The following PAX5 variants were observed in gnomAD, a reference collection of about 807,000 sequenced individuals.
PAX5 encodes paired box 5, also known as paired box protein Pax-5.
In PAX5, 9 loss-of-function variants were observed where a neutral mutation model predicts 43.7. The ratio of observed to expected loss-of-function variants is 0.21; its 90% CI spans 0.12 to 0.36. The LOEUF is 0.36. PAX5 is among the 10% of genes least tolerant of loss of function. The pLI, the probability that PAX5 is intolerant of heterozygous loss-of-function variation, is 1.00. For synonymous variants in PAX5, 228 were observed against 214.3 expected, an observed-to-expected ratio of 1.06 and a Z score of -0.56; for missense variants, 383 against 532.7, an observed-to-expected ratio of 0.72 and a Z score of 2.77.
rs73455418 is a variant in PAX5, at chr9:36,941,532, C to A, written c.781-18048G>T. 4.6e-3 allele frequency among the ~76,000 whole-genome samples: 701 copies of A among 152,292 alleles called. 5 individuals carry two copies. Among genetic ancestry groups the A allele is most frequent in the African/African-American group, 0.016 (678 of 41,558 alleles). On this transcript the variant is annotated intron_variant, in intron 6 of 9. Transcript: ENST00000358127. Reference sequence around the variant, plus strand: ...TCATGCCCTGGAGGTCAAGCACAACCATTTGAAATGAGGGATAGGAAAGAA... The same window carrying A: ...TCATGCCCTGGAGGTCAAGCACAACAATTTGAAATGAGGGATAGGAAAGAA...
chr9:36,979,244 C>T (rs917418569), intron 5 of PAX5, among the ~76,000 whole-genome samples: 4 of 152,170 alleles, frequency 2.6e-5, no homozygotes, highest in African/African-American at 9.7e-5. Context: ...ACTCAAGAGG[C>T]TTTTGTGTAT....
At position 36,840,031 on chromosome 9, in the gene PAX5, T is replaced by C. The variant is rs375263110; in HGVS notation, c.*529A>G. 10 of 254,430 alleles carry C rather than the reference T, an allele frequency of 3.9e-5. 1 individual carries two copies. The East Asian group carries it at 5.9e-4, about 15-fold the overall frequency. 15.8% of individuals were successfully genotyped at this position (254,430 alleles called of 1,614,324 possible). A position where few individuals can be genotyped will look rare whatever the true frequency, so the allele number is the denominator to read the frequency against. On this transcript the variant is annotated 3_prime_UTR_variant, in exon 10 of 10. Coordinates refer to ENST00000358127, the MANE Select transcript of PAX5 (RefSeq NM_016734.3). ...TCTTGAGGACAGCTCTGAGCGCACC[T>C]GCCAGGGTCACCCAGGGCAGAGAGG...
At chr9:36,870,083 GATAA>G (rs1343335703) in intron 8 of PAX5, among the ~76,000 whole-genome samples, 2 of 26,320 alleles carry the variant, frequency 7.6e-5, no homozygotes, top group Admixed American at 4.6e-4. Context: ...TGGATGGATG[GATAA>G]ATGGATGGAT....
intron 6 of PAX5, among the ~76,000 whole-genome samples, chr9:36,951,568 CCT>C (rs1370733208): frequency 6.6e-6 from 1 of 152,084 alleles, no homozygotes; most frequent in East Asian, 1.9e-4. Flanking sequence ...GCCATATTTT[CCT>C]CTCTCAGTCC....
At chr9:36,950,364 T>C (rs1466520441) in intron 6 of PAX5, among the ~76,000 whole-genome samples, 1 of 152,176 alleles carries the variant, frequency 6.6e-6, no homozygotes, top group Non-Finnish European at 1.5e-5. Flanking sequence ...TCATCTTTTC[T>C]CCAAAATAGA....
chr9:36,867,820 C>A (rs1254044351), intron 8 of PAX5, among the ~76,000 whole-genome samples: 2 of 152,166 alleles, frequency 1.3e-5, no homozygotes. Flanking sequence ...TGCACATAGA[C>A]TCCTTATAAA....
chr9:36,955,627 A>C (rs570631979), intron 6 of PAX5, among the ~76,000 whole-genome samples: 1 of 152,118 alleles, frequency 6.6e-6, no homozygotes. Context: ...CAACATCAGC[A>C]TCAAAACCCC....
intron 6 of PAX5, among the ~76,000 whole-genome samples, chr9:36,959,294 A>G (rs967258046): frequency 6.6e-6 from 1 of 152,254 alleles, no homozygotes; most frequent in African/African-American, 2.4e-5. Flanking sequence ...ACATGTATGA[A>G]AATGGATAGA....
Position 37,029,458 on chromosome 9 carries a change from G to A in PAX5, c.46+4528C>T, listed in dbSNP as rs369737054. On this transcript the variant is annotated intron_variant, in intron 1 of 9. Coordinates refer to ENST00000358127, the MANE Select transcript of PAX5 (RefSeq NM_016734.3). ...CTGGGGACCCAGGAGGCTGCAGTGC[G>A]CGCCGGGGTGGAGTGGCGGCGTTAT... 4.2e-4 allele frequency among the ~76,000 whole-genome samples: 64 copies of A among 152,346 alleles called. 1 individual carries two copies. The highest frequency in any genetic ancestry group is 1.5e-3 in the African/African-American group (64 of 41,560).
chr9:37,029,647 C>G (rs996159179), intron 1 of PAX5, among the ~76,000 whole-genome samples: 1 of 152,200 alleles, frequency 6.6e-6, no homozygotes, highest in Non-Finnish European at 1.5e-5. Context: ...AATTCAGATC[C>G]TCGGCCCAGA....
At chr9:36,848,621 C>T (rs1025700049) in intron 8 of PAX5, among the ~76,000 whole-genome samples, 4 of 152,164 alleles carry the variant, frequency 2.6e-5, no homozygotes, top group East Asian at 3.9e-4. Flanking sequence ...ACAGGGACAG[C>T]GCCCTCCCCT....
At chr9:36,999,908 C>T (rs147924704) in intron 5 of PAX5, among the ~76,000 whole-genome samples, 9 of 152,190 alleles carry the variant, frequency 5.9e-5, no homozygotes, top group African/African-American at 2.2e-4. Context: ...CCATACTGGC[C>T]CCAGGCTCTG....
intron 6 of PAX5, among the ~76,000 whole-genome samples, chr9:36,947,923 A>G (rs975273635): frequency 4.0e-5 from 6 of 151,096 alleles, no homozygotes; most frequent in African/African-American, 1.5e-4. Flanking sequence ...CTCTCTGTGC[A>G]CCCCACCCCC....
chr9:36,953,440 C>T (rs116655680), intron 6 of PAX5, among the ~76,000 whole-genome samples: 1,602 of 152,226 alleles, frequency 0.011, 21 homozygotes, highest in African/African-American at 0.036. Context: ...CTTCTCCTTC[C>T]GGCAACCTAA....
chr9:36,847,071 A>C, intron 8 of PAX5, 142 bp from the exon 9 acceptor site: 1 of 618,380 alleles, frequency 1.6e-6, no homozygotes, highest in Non-Finnish European at 3.0e-6. Flanking sequence ...AACAAAAGCA[A>C]GTCAGGTCCA....
At chr9:36,949,716 C>A (rs569192110) in intron 6 of PAX5, among the ~76,000 whole-genome samples, 138 of 152,280 alleles carry the variant, frequency 9.1e-4, no homozygotes, top group African/African-American at 3.1e-3. Context: ...CTGACGCACT[C>A]CCCAGTAGAA....
At chr9:36,954,484 G>C (rs2132125221) in intron 6 of PAX5, among the ~76,000 whole-genome samples, 1 of 152,240 alleles carries the variant, frequency 6.6e-6, no homozygotes, top group African/African-American at 2.4e-5. Context: ...TGCCTTCACT[G>C]TTAAATGATC....
intron 8 of PAX5, among the ~76,000 whole-genome samples, chr9:36,865,017 T>A (rs1482035789): frequency 6.6e-6 from 1 of 152,226 alleles, no homozygotes; most frequent in Non-Finnish European, 1.5e-5. Flanking sequence ...GAAGGAACAA[T>A]GCTTGACTGA....
intron 8 of PAX5, among the ~76,000 whole-genome samples, chr9:36,854,286 C>T (rs1238984036): frequency 1.3e-5 from 2 of 152,200 alleles, no homozygotes; most frequent in African/African-American, 2.4e-5. Context: ...CGGCATCACA[C>T]GTAGCCACAG....
Sources: allele counts gnomAD v4.1 joint callset (sites outside exome capture counted in the v4.1 genomes callset), GRCh38; gene constraint gnomAD v4.1.1; transcripts MANE v1.5; gene names NCBI Gene and HGNC (gene_info 2026-07-23, HGNC 2026-07-21).